The following CNTNAP2 variants were observed in gnomAD, a reference collection of about 807,000 sequenced individuals.
The protein encoded by CNTNAP2 is contactin-associated protein-like 2.
CNTNAP2 carries 98 observed loss-of-function variants against 155.2 expected under a neutral mutation model. The observed-to-expected ratio is 0.63, with a 90% CI of 0.54 to 0.75. The LOEUF (loss-of-function observed/expected upper bound fraction) is 0.75, where lower values mean the gene tolerates loss of function less well. CNTNAP2 is among the 30% of genes least tolerant of loss of function. The pLI is 0.00. For missense variants in CNTNAP2, 1,727 were observed against 1,688.1 expected (o/e 1.02, Z -0.40); for synonymous variants, 651 against 631.2 (o/e 1.03, Z -0.47).
intron 15 of CNTNAP2, among the ~76,000 whole-genome samples, chr7:148,048,090 A>ATTT (rs376394968): frequency 2.1e-5 from 3 of 145,238 alleles, no homozygotes; most frequent in Admixed American, 6.9e-5. Context: ...TGCCCAGCTA[A>ATTT]TTTTTTTTTT....
intron 3 of CNTNAP2, among the ~76,000 whole-genome samples, chr7:146,946,263 A>G (rs1190442331): frequency 6.6e-6 from 1 of 152,138 alleles, no homozygotes; most frequent in Non-Finnish European, 1.5e-5. Flanking sequence ...CAGACTAAGG[A>G]AGCCTCGGAA....
intron 18 of CNTNAP2, among the ~76,000 whole-genome samples, chr7:148,199,214 G>T (rs140877360): frequency 0.016 from 2,463 of 152,278 alleles, 31 homozygotes; most frequent in Non-Finnish European, 0.024. Context: ...ACTGAAAACA[G>T]GAAATGATTT....
At chr7:146,624,776 T>G (rs1277185865) in intron 1 of CNTNAP2, among the ~76,000 whole-genome samples, 2 of 152,012 alleles carry the variant, frequency 1.3e-5, no homozygotes, top group African/African-American at 4.8e-5. Flanking sequence ...GCTGAGAGTT[T>G]GATTGGGATT....
rs1272705216 is a variant in CNTNAP2 at position 146,373,233 on chromosome 7, CGTGAA to C, written c.97+256264_97+256268del. Among the ~76,000 whole-genome samples the C allele has an allele frequency of 3.3e-5, 5 of 152,180 alleles. 1 individual carries two copies. Among genetic ancestry groups the C allele is most frequent in the Middle Eastern group, 6.8e-3 (2 of 294 alleles). Reference sequence around the variant, plus strand: ...TAACTAACGTTTACAACCATGAAACCGTGAAGTGGACACGATTCTCTTCAGTATCA... The same window carrying C: ...TAACTAACGTTTACAACCATGAAACCGTGGACACGATTCTCTTCAGTATCA... On this transcript the variant is annotated intron_variant, in intron 1 of 23. Transcript: ENST00000361727.
chr7:147,051,801 C>T (rs566443668), intron 4 of CNTNAP2, among the ~76,000 whole-genome samples: 1 of 152,042 alleles, frequency 6.6e-6, no homozygotes, highest in African/African-American at 2.4e-5. Flanking sequence ...ATTTTAAAGG[C>T]ATTTTGCTAA....
At chr7:148,299,981 A>G (rs1040263264) in intron 21 of CNTNAP2, among the ~76,000 whole-genome samples, 1 of 152,204 alleles carries the variant, frequency 6.6e-6, no homozygotes, top group Non-Finnish European at 1.5e-5. Context: ...ACTGTCCACT[A>G]AAGTTAATGC....
intron 1 of CNTNAP2, among the ~76,000 whole-genome samples, chr7:146,674,638 C>A (rs1800366081): frequency 6.6e-6 from 1 of 151,948 alleles, no homozygotes; most frequent in African/African-American, 2.4e-5. Flanking sequence ...GGAACAGGGG[C>A]AGCTCACATA....
intron 13 of CNTNAP2, among the ~76,000 whole-genome samples, chr7:147,781,867 C>CA (rs1360818838): frequency 6.6e-6 from 1 of 151,932 alleles, no homozygotes; most frequent in African/African-American, 2.4e-5. Flanking sequence ...ACTACAAATA[C>CA]AAAAAATTAG....
rs547096045 is a variant in CNTNAP2 at position 146,625,313 on chromosome 7, T to C, written c.98-148958T>C. Among the ~76,000 whole-genome samples, 672 of 151,740 alleles carry C rather than the reference T, an allele frequency of 4.4e-3. 5 individuals are homozygous for C. The highest frequency in any genetic ancestry group is 5.2e-3 in the Non-Finnish European group (350 of 67,790). The stretch of plus-strand genomic sequence containing the variant: ...ATAACCTGAATCTGTTTTGAAGGGA[T>C]AGAGATGCATAAAAGGACTGGGGTA... On this transcript the variant is annotated intron_variant, in intron 1 of 23. Coordinates refer to ENST00000361727, the MANE Select transcript of CNTNAP2 (RefSeq NM_014141.6).
intron 21 of CNTNAP2, among the ~76,000 whole-genome samples, chr7:148,293,960 G>A (rs545709002): frequency 2.1e-5 from 3 of 142,792 alleles, no homozygotes; most frequent in Non-Finnish European, 4.5e-5. Flanking sequence ...GCTTGAACCC[G>A]GGAGGCAGAG....
chr7:147,814,868 T>C (rs993996294), intron 13 of CNTNAP2, among the ~76,000 whole-genome samples: 5 of 152,220 alleles, frequency 3.3e-5, no homozygotes, highest in African/African-American at 9.6e-5. Flanking sequence ...ATTATTGGGT[T>C]CCTGGGGTAA....
chr7:147,125,749 C>T (rs551390689), intron 6 of CNTNAP2, among the ~76,000 whole-genome samples: 1 of 152,238 alleles, frequency 6.6e-6, no homozygotes, highest in South Asian at 2.1e-4. Context: ...TCATATTCCC[C>T]TTTGATGAAA....
chr7:147,739,699 A>T (rs1345134641), intron 13 of CNTNAP2, among the ~76,000 whole-genome samples: 1 of 152,082 alleles, frequency 6.6e-6, no homozygotes, highest in Non-Finnish European at 1.5e-5. Flanking sequence ...GTGTGTTCCT[A>T]TGAGAATTTC....
intron 9 of CNTNAP2, among the ~76,000 whole-genome samples, chr7:147,331,743 C>T (rs761291151): frequency 6.6e-6 from 1 of 152,150 alleles, no homozygotes; most frequent in African/African-American, 2.4e-5. Flanking sequence ...AAAGACTCAT[C>T]GAGATTACTA....
At chr7:146,730,413 A>C (rs1402490337) in intron 1 of CNTNAP2, among the ~76,000 whole-genome samples, 1 of 152,148 alleles carries the variant, frequency 6.6e-6, no homozygotes, top group Non-Finnish European at 1.5e-5. Flanking sequence ...ATTTTATAAC[A>C]TTGTACACAT....
At chr7:147,837,632 CA>C (rs1239454089) in intron 13 of CNTNAP2, among the ~76,000 whole-genome samples, 1 of 152,106 alleles carries the variant, frequency 6.6e-6, no homozygotes, top group African/African-American at 2.4e-5. Flanking sequence ...CCAGTAAAAC[CA>C]AAAGCAAGTT....
intron 13 of CNTNAP2, among the ~76,000 whole-genome samples, chr7:147,716,678 A>G (rs571498290): frequency 6.6e-6 from 1 of 152,106 alleles, no homozygotes; most frequent in Admixed American, 6.6e-5. Flanking sequence ...CAGCTTCCTT[A>G]TCTATGTTTG....
chr7:147,741,043 T>G (rs1460435276), intron 13 of CNTNAP2, among the ~76,000 whole-genome samples: 1 of 152,226 alleles, frequency 6.6e-6, no homozygotes. Flanking sequence ...CTCAGGCACT[T>G]CTGGCTCCTG....
intron 10 of CNTNAP2, among the ~76,000 whole-genome samples, chr7:147,454,787 G>T (rs1005251950): frequency 3.3e-5 from 5 of 151,846 alleles, no homozygotes; most frequent in Admixed American, 6.6e-5. Context: ...TCCTGCAGCA[G>T]ATATTCCTGA....
Sources: allele counts gnomAD v4.1 joint callset (sites outside exome capture counted in the v4.1 genomes callset), GRCh38; gene constraint gnomAD v4.1.1; transcripts MANE v1.5; gene names NCBI Gene and HGNC (gene_info 2026-07-23, HGNC 2026-07-21).